The following ZDHHC15 variants were observed in gnomAD, a reference collection of about 807,000 sequenced individuals.
The protein encoded by ZDHHC15 is palmitoyltransferase ZDHHC15.
In ZDHHC15, 19 loss-of-function variants were observed where a neutral mutation model predicts 31.7. The observed-to-expected ratio is 0.60, with a 90% confidence interval of 0.42 to 0.88. The LOEUF is 0.88. Among genes scored for constraint, ZDHHC15 ranks in the 40% least tolerant of loss-of-function variants. The pLI, the probability that ZDHHC15 is intolerant of heterozygous loss-of-function variation, is 0.00. For missense variants in ZDHHC15, 209 were observed against 251.2 expected (o/e 0.83, Z 1.14); for synonymous variants, 103 against 90.0 (o/e 1.14, Z -0.82).
intron 2 of ZDHHC15, among the ~76,000 whole-genome samples, chrX:75,491,823 G>C (rs749742922): frequency 4.3e-4 from 48 of 111,187 alleles, no homozygotes; most frequent in African/African-American, 1.5e-3. Flanking sequence ...ATCAGTACCA[G>C]CCACTGCAAA....
intron 1 of ZDHHC15, among the ~76,000 whole-genome samples, chrX:75,518,555 C>G (rs1369510019): frequency 9.3e-6 from 1 of 107,514 alleles, no homozygotes; most frequent in Non-Finnish European, 1.9e-5. Flanking sequence ...GGTGCAGTCA[C>G]TGCGGAAGAT....
chrX:75,520,959 C>T (rs1192236185), intron 1 of ZDHHC15, among the ~76,000 whole-genome samples: 1 of 110,892 alleles, frequency 9.0e-6, no homozygotes, highest in Non-Finnish European at 1.9e-5. Flanking sequence ...TCTCCTGCCT[C>T]CCTAGTTTAT....
intron 9 of ZDHHC15, among the ~76,000 whole-genome samples, chrX:75,421,476 GGTT>G (rs1440088683): frequency 5.6e-5 from 1 of 17,827 alleles, no homozygotes; most frequent in African/African-American, 2.1e-4. Context: ...TGGCTGTTTA[GGTT>G]GTTTCCTAAT....
At chrX:75,453,323 T>A (rs1299208188) in intron 3 of ZDHHC15, among the ~76,000 whole-genome samples, 2 of 110,977 alleles carry the variant, frequency 1.8e-5, no homozygotes, top group East Asian at 5.7e-4. Context: ...ACATATACCC[T>A]CCCAAGACTA....
At chrX:75,498,496 C>T (rs932484265) in intron 2 of ZDHHC15, among the ~76,000 whole-genome samples, 10 of 111,533 alleles carry the variant, frequency 9.0e-5, no homozygotes, top group Non-Finnish European at 1.5e-4. Context: ...ACACCAACAA[C>T]GCCCAAGCTG....
At chrX:75,415,434 A>T (rs773786852) in intron 10 of ZDHHC15, among the ~76,000 whole-genome samples, 3 of 112,094 alleles carry the variant, frequency 2.7e-5, no homozygotes, top group Non-Finnish European at 5.6e-5. Flanking sequence ...AAGGCACCTT[A>T]CAGTTTATGA....
intron 2 of ZDHHC15, among the ~76,000 whole-genome samples, chrX:75,483,288 C>T (rs776422631): frequency 4.5e-5 from 5 of 109,914 alleles, no homozygotes; most frequent in African/African-American, 9.9e-5. Flanking sequence ...AGATGAACCA[C>T]GGGTTTGTTA....
intron 1 of ZDHHC15, among the ~76,000 whole-genome samples, chrX:75,515,281 A>G (rs2085338661): frequency 9.0e-6 from 1 of 111,592 alleles, no homozygotes; most frequent in Non-Finnish European, 1.9e-5. Flanking sequence ...AAGAAAAAAA[A>G]GAGAGAGAAT....
intron 1 of ZDHHC15, among the ~76,000 whole-genome samples, chrX:75,516,333 C>G (rs2085355880): frequency 1.8e-5 from 2 of 112,046 alleles, no homozygotes; most frequent in Non-Finnish European, 3.8e-5. Flanking sequence ...TGACTTCAAA[C>G]TATACTACAA....
chrX:75,409,683 T>C (rs1255605246), intron 10 of ZDHHC15, among the ~76,000 whole-genome samples: 1 of 103,367 alleles, frequency 9.7e-6, no homozygotes, highest in Non-Finnish European at 2.0e-5. Context: ...TAGTCCCAGT[T>C]ACTTGGGAGG....
intron 3 of ZDHHC15, among the ~76,000 whole-genome samples, chrX:75,462,974 C>G (rs985667916): frequency 9.1e-6 from 1 of 110,423 alleles, no homozygotes; most frequent in Non-Finnish European, 1.9e-5. Context: ...AAAAAATCAA[C>G]AAATCCAGGG....
intron 11 of ZDHHC15, among the ~76,000 whole-genome samples, chrX:75,373,368 A>G (rs1602529264): frequency 8.9e-6 from 1 of 111,824 alleles, no homozygotes; most frequent in African/African-American, 3.2e-5. Context: ...TCTTATCTCC[A>G]TAACTCTAGA....
intron 10 of ZDHHC15, among the ~76,000 whole-genome samples, chrX:75,384,115 C>T (rs1268186920): frequency 9.0e-6 from 1 of 111,119 alleles, no homozygotes; most frequent in East Asian, 2.8e-4. Context: ...GCCATCCTAC[C>T]CCAGAATGGT....
At chrX:75,419,023 C>A (rs1406688771) in intron 9 of ZDHHC15, among the ~76,000 whole-genome samples, 5 of 111,809 alleles carry the variant, frequency 4.5e-5, no homozygotes, top group African/African-American at 1.3e-4. Context: ...AAGAGGCAAC[C>A]TATAGAATGG....
chrX:75,381,656 C>A (rs759382197), intron 10 of ZDHHC15, among the ~76,000 whole-genome samples: 2 of 111,552 alleles, frequency 1.8e-5, no homozygotes, highest in Non-Finnish European at 3.8e-5. Context: ...CTATAAAACC[C>A]TCTATCATCT....
At chrX:75,441,349 C>G (rs1177996447) in intron 4 of ZDHHC15, among the ~76,000 whole-genome samples, 1 of 111,684 alleles carries the variant, frequency 9.0e-6, no homozygotes, top group East Asian at 2.8e-4. Context: ...CCGTGAGTGC[C>G]TACAGGGTTC....
intron 2 of ZDHHC15, among the ~76,000 whole-genome samples, chrX:75,499,710 ATT>A (rs912582327): frequency 1.8e-5 from 2 of 112,245 alleles, no homozygotes. Context: ...TATGGAAAAC[ATT>A]ACGGAGATTC....
rs188498989 is a variant in ZDHHC15, at chrX:75,393,764, T to C, written c.968-14566A>G. 2.7e-5 allele frequency among the ~76,000 whole-genome samples: 3 copies of C among 111,504 alleles called. No homozygotes were observed. The East Asian group carries it at 8.5e-4, about 32-fold the overall frequency. Reference sequence around the variant, plus strand: ...GCGTTCTCTAGAGAAACAGAACTAATGGAATTATATATATGAGTTTATTAA... The same window carrying C: ...GCGTTCTCTAGAGAAACAGAACTAACGGAATTATATATATGAGTTTATTAA... On this transcript the variant is annotated intron_variant, in intron 10 of 11. Transcript: ENST00000373367.
At chrX:75,449,576 C>A (rs1480414769) in intron 4 of ZDHHC15, among the ~76,000 whole-genome samples, 1 of 111,954 alleles carries the variant, frequency 8.9e-6, no homozygotes. Context: ...TGCATGAAGA[C>A]TTTTAAAAAT....
Sources: gnomAD v4.1 joint callset for allele counts (sites outside exome capture counted in the v4.1 genomes callset) on GRCh38, gnomAD v4.1.1 for gene constraint, MANE v1.5 for transcripts, NCBI Gene and HGNC (gene_info 2026-07-23, HGNC 2026-07-21) for gene names.